The following MAP3K13 variants were observed in gnomAD, a reference collection of about 807,000 sequenced individuals.
The protein encoded by MAP3K13 is leucine zipper-bearing kinase.
MAP3K13 carries 52 observed loss-of-function variants against 104.0 expected under a neutral mutation model. The ratio of observed to expected loss-of-function variants is 0.50; its 90% CI spans 0.40 to 0.63. The LOEUF (loss-of-function observed/expected upper bound fraction) is 0.63, where lower values mean the gene tolerates loss of function less well. Ranked by LOEUF, MAP3K13 falls within the 20% of genes least tolerant of loss-of-function variation. The probability of loss-of-function intolerance (pLI) is 0.00; values close to 1 mark genes in which losing one functional copy is unlikely to be tolerated. For synonymous variants in MAP3K13, 394 were observed against 442.2 expected (o/e 0.89, Z 1.37); for missense variants, 914 against 1,218.5 (o/e 0.75, Z 3.72).
At chr3:185,461,863 T>G (rs950123711) in intron 7 of MAP3K13, among the ~76,000 whole-genome samples, 1 of 149,858 alleles carries the variant, frequency 6.7e-6, no homozygotes. Flanking sequence ...ACACCCACAA[T>G]AGCAATTAGG....
At chr3:185,476,961 C>A in intron 11 of MAP3K13, 1 of 369,226 alleles carries the variant, frequency 2.7e-6, no homozygotes, top group Non-Finnish European at 5.3e-6. Context: ...ATAACAGAGC[C>A]TGGAACCACT....
intron 2 of MAP3K13, among the ~76,000 whole-genome samples, chr3:185,349,496 A>G (rs1319112122): frequency 6.6e-6 from 1 of 152,192 alleles, no homozygotes; most frequent in Non-Finnish European, 1.5e-5. Flanking sequence ...TGATCTACCC[A>G]ATCTTAAGAC....
intron 1 of MAP3K13, among the ~76,000 whole-genome samples, chr3:185,394,687 A>G (rs575401733): frequency 4.0e-4 from 61 of 152,320 alleles, no homozygotes; most frequent in African/African-American, 1.4e-3. Context: ...TCCATTTATT[A>G]GGAAAGGTTT....
At chr3:185,461,201 C>T (rs558437418) in intron 7 of MAP3K13, among the ~76,000 whole-genome samples, 1 of 152,270 alleles carries the variant, frequency 6.6e-6, no homozygotes, top group South Asian at 2.1e-4. Context: ...GTAGTGTATT[C>T]TGATGAGATT....
At chr3:185,292,613 A>C in intron 2 of MAP3K13, 2 of 976,686 alleles carry the variant, frequency 2.0e-6, no homozygotes, top group Non-Finnish European at 2.4e-6. Context: ...TAAAATGTAT[A>C]ATACAGACAA....
At chr3:185,426,512 A>G (rs555276898) in intron 1 of MAP3K13, among the ~76,000 whole-genome samples, 2 of 152,362 alleles carry the variant, frequency 1.3e-5, no homozygotes, top group African/African-American at 2.4e-5. Flanking sequence ...ATTTTAATCC[A>G]TAATCCGCAA....
At chr3:185,292,052 C>T in intron 2 of MAP3K13, 2 of 966,888 alleles carry the variant, frequency 2.1e-6, no homozygotes, top group Non-Finnish European at 2.5e-6. Context: ...TGCCTGTAAT[C>T]CCAGCACTTT....
rs1718518470 is a variant in MAP3K13, at chr3:185,482,432, A to G, written c.2877A>G (p.Lys959=). 6.2e-7 allele frequency: 1 copy of G among 1,613,626 alleles called. No individual in the cohort carries two copies. The highest frequency in any genetic ancestry group is 1.1e-5 in the South Asian group (1 of 91,080). The stretch of plus-strand genomic sequence containing the variant: ...CTGATGCCACAGTTAGGACCAATAA[A>G]CACTACAGCTCTGCTACCTGGTAAT... ...ECSDATVRTN[K]HYSSATW is the part of the protein sequence containing the mutation. Residue 959 remains lysine (K), a synonymous_variant, in exon 14 of 14, where the codon AAA becomes AAG. Coordinates refer to ENST00000265026, the MANE Select transcript of MAP3K13 (RefSeq NM_004721.5). This position sits in a 1 kb window ranked among gnomAD's most constrained non-coding sequence, Gnocchi z 4.5.
chr3:185,481,910 CTG>C (rs1388701880), intron 13 of MAP3K13, among the ~76,000 whole-genome samples: 1 of 152,220 alleles, frequency 6.6e-6, no homozygotes, highest in Non-Finnish European at 1.5e-5. Flanking sequence ...CAGTGAAACC[CTG>C]TCTCTACTAA....
chr3:185,455,679 G>C (rs1422524993), intron 7 of MAP3K13, among the ~76,000 whole-genome samples: 6 of 10,880 alleles, frequency 5.5e-4, no homozygotes, highest in Middle Eastern at 0.083. Context: ...ATATATATAT[G>C]AGATATATAT....
At chr3:185,410,243 C>T (rs1391818443) in intron 1 of MAP3K13, among the ~76,000 whole-genome samples, 1 of 152,072 alleles carries the variant, frequency 6.6e-6, no homozygotes, top group Admixed American at 6.5e-5. Flanking sequence ...GTGAAACAAG[C>T]CAGTAACAGA....
At position 185,485,560 on chromosome 3, in the gene MAP3K13, T is replaced by A. The variant is rs914448337; in HGVS notation, c.*3104T>A. 2.0e-5 allele frequency: 3 copies of A among 151,964 alleles called. No individual in the cohort carries two copies. The highest frequency in any genetic ancestry group is 7.3e-5 in the African/African-American group (3 of 41,360). 9.4% of individuals were successfully genotyped at this position (151,964 alleles called of 1,614,324 possible). On this transcript the variant is annotated 3_prime_UTR_variant, in exon 14 of 14. Transcript: ENST00000265026. ...CATATTCATGCTGCTCATCCATTAG[T>A]CACTTAGTAGCAGTCTCGGTGATCA... is the stretch of plus-strand genomic sequence containing the variant.
At chr3:185,320,901 AGTT>A (rs1345968962) in intron 2 of MAP3K13, among the ~76,000 whole-genome samples, 2 of 152,216 alleles carry the variant, frequency 1.3e-5, no homozygotes, top group African/African-American at 4.8e-5. Flanking sequence ...TCAGGGTCTC[AGTT>A]GTTTTTATAT....
At chr3:185,408,483 A>C (rs1238253199) in intron 1 of MAP3K13, among the ~76,000 whole-genome samples, 1 of 152,084 alleles carries the variant, frequency 6.6e-6, no homozygotes, top group Non-Finnish European at 1.5e-5. Context: ...GAGGCAGAAG[A>C]ATCACTTGAA....
chr3:185,442,544 T>C (rs1315930241), intron 3 of MAP3K13, among the ~76,000 whole-genome samples: 1 of 151,704 alleles, frequency 6.6e-6, no homozygotes, highest in African/African-American at 2.4e-5. Context: ...TTTCTTTTTT[T>C]TTTTTCTGAG....
At chr3:185,307,038 T>C (rs1721311272) in intron 2 of MAP3K13, among the ~76,000 whole-genome samples, 1 of 152,220 alleles carries the variant, frequency 6.6e-6, no homozygotes, top group East Asian at 1.9e-4. Context: ...GTGTTTCTCC[T>C]GAGAAATCCA....
At position 185,349,632 on chromosome 3, in the gene MAP3K13, G is replaced by T. The variant is rs113128196; in HGVS notation, c.-86+63989G>T. Among the ~76,000 whole-genome samples, 177 of 152,290 alleles carry T rather than the reference G, an allele frequency of 1.2e-3. 1 individual carries two copies. Among genetic ancestry groups the T allele is most frequent in the African/African-American group, 4.0e-3 (167 of 41,572 alleles). On this transcript the variant is annotated intron_variant, in intron 2 of 14. Transcript: ENST00000424227. ...TTAATTCCATCCCAGCCCAAATTCT[G>T]TATGTGAGACGTATTAAGAAAGGAA...
chr3:185,415,350 G>A (rs980172739), intron 1 of MAP3K13, among the ~76,000 whole-genome samples: 2 of 151,480 alleles, frequency 1.3e-5, no homozygotes, highest in African/African-American at 2.4e-5. Flanking sequence ...TAGAGATGGG[G>A]TTTTCTCATG....
intron 2 of MAP3K13, among the ~76,000 whole-genome samples, chr3:185,354,748 A>C (rs1723282321): frequency 6.6e-6 from 1 of 151,510 alleles, no homozygotes; most frequent in African/African-American, 2.4e-5. Context: ...TGTCTACCCC[A>C]CTAATTTAAC....
Sources: allele counts gnomAD v4.1 joint callset (sites outside exome capture counted in the v4.1 genomes callset), GRCh38; gene constraint gnomAD v4.1.1; non-coding constraint Gnocchi (gnomAD v3.1); transcripts MANE v1.5; gene names NCBI Gene and HGNC (gene_info 2026-07-23, HGNC 2026-07-21).